Variants in VPS8 observed in about 807,000 individuals in gnomAD.
The protein encoded by VPS8 is vacuolar protein sorting-associated protein 8 homolog.
In VPS8, 129 loss-of-function variants were observed where a neutral mutation model predicts 216.4. That is an observed-to-expected ratio of 0.60 (90% CI 0.52 to 0.69). The LOEUF (loss-of-function observed/expected upper bound fraction) is 0.69, where lower values mean the gene tolerates loss of function less well. Among genes scored for constraint, VPS8 ranks in the 30% least tolerant of loss-of-function variants. The probability of loss-of-function intolerance (pLI) is 0.00; values close to 1 mark genes in which losing one functional copy is unlikely to be tolerated. For synonymous variants in VPS8, 571 were observed against 565.4 expected, an observed-to-expected ratio of 1.01 and a Z score of -0.14; for missense variants, 1,531 against 1,683.5, an observed-to-expected ratio of 0.91 and a Z score of 1.59.
At chr3:185,034,549 T>G (rs1758606509) in intron 46 of VPS8, among the ~76,000 whole-genome samples, 1 of 152,210 alleles carries the variant, frequency 6.6e-6, no homozygotes, top group Admixed American at 6.5e-5. Context: ...CTTTGTTGGA[T>G]GCATAGTTTG....
chr3:184,854,516 G>A (rs905275034), intron 13 of VPS8, among the ~76,000 whole-genome samples: 1 of 152,204 alleles, frequency 6.6e-6, no homozygotes, highest in Non-Finnish European at 1.5e-5. Context: ...CTAACTTCAT[G>A]CATGGCATTT....
At chr3:184,924,578 A>G (rs1423177723) in intron 29 of VPS8, among the ~76,000 whole-genome samples, 14 of 152,118 alleles carry the variant, frequency 9.2e-5, no homozygotes, top group Admixed American at 7.9e-4. Context: ...CGTGATTAAT[A>G]TTTCTTTGAA....
intron 42 of VPS8, among the ~76,000 whole-genome samples, chr3:184,984,720 A>G (rs1750801630): frequency 6.6e-6 from 1 of 152,242 alleles, no homozygotes; most frequent in African/African-American, 2.4e-5. Flanking sequence ...CTAATCATGT[A>G]TAAAGTAATA....
At chr3:184,846,418 A>ATTT in intron 8 of VPS8, among the ~76,000 whole-genome samples, 1 of 152,146 alleles carries the variant, frequency 6.6e-6, no homozygotes, top group Non-Finnish European at 1.5e-5. Context: ...CCCTCATTTC[A>ATTT]TCCATTGCCA....
At chr3:184,978,327 T>A (rs1175758276) in intron 40 of VPS8, among the ~76,000 whole-genome samples, 4 of 152,112 alleles carry the variant, frequency 2.6e-5, no homozygotes, top group African/African-American at 7.2e-5. Context: ...TCTTCTCTCC[T>A]TTTCCCTCCT....
At chr3:184,916,670 T>C (rs1300795209) in intron 28 of VPS8, among the ~76,000 whole-genome samples, 2 of 152,198 alleles carry the variant, frequency 1.3e-5, no homozygotes, top group African/African-American at 4.8e-5. Flanking sequence ...AAGTCAGATC[T>C]AGTTGGTTTA....
chr3:184,928,923 A>ATGCTGTATTTATAG (rs1177349909), intron 32 of VPS8, among the ~76,000 whole-genome samples: 1 of 152,188 alleles, frequency 6.6e-6, no homozygotes, highest in East Asian at 1.9e-4. Context: ...CTTACCTAGT[A>ATGCTGTATTTATAG]TGCTGTATTT....
intron 7 of VPS8, among the ~76,000 whole-genome samples, chr3:184,842,085 T>C (rs1490604510): frequency 1.4e-5 from 2 of 147,596 alleles, no homozygotes; most frequent in Admixed American, 7.0e-5. Context: ...GTCAATGTTA[T>C]AAGAATATGT....
Position 184,901,163 on chromosome 3 carries a change from G to C in VPS8, c.2146+191G>C, listed in dbSNP as rs540214346. On this transcript the variant is annotated intron_variant, in intron 25 of 47. Transcript: ENST00000625842. ...CTAAAAAGTTTCCTCCTTCCCCTTTGTACTTGATCCTTTCCCCACAGCCCT... is the reference window on the plus strand; with the variant it reads ...CTAAAAAGTTTCCTCCTTCCCCTTTCTACTTGATCCTTTCCCCACAGCCCT... The C allele has an allele frequency of 2.6e-5, 15 of 571,238 alleles. No homozygotes were observed. The South Asian group carries it at 3.7e-4, about 14-fold the overall frequency. The allele number at this position is 571,238 out of a possible 1,614,324, so 35.4% of individuals were successfully genotyped here. A position where few individuals can be genotyped will look rare whatever the true frequency, so the allele number is the denominator to read the frequency against.
Position 185,025,668 on chromosome 3 carries a change from C to T in VPS8, c.4056+1279C>T, listed in dbSNP as rs965340039. Among the ~76,000 whole-genome samples, 12 of 152,194 alleles carry T rather than the reference C, an allele frequency of 7.9e-5. 1 individual carries two copies. Among genetic ancestry groups the T allele is most frequent in the Admixed American group, 4.6e-4 (7 of 15,284 alleles). ...GATACTTAGAACCATCACACTGTAACGCAAAGAGCTGGGGGAGCCTGTCAT... is the reference window on the plus strand; with the variant it reads ...GATACTTAGAACCATCACACTGTAATGCAAAGAGCTGGGGGAGCCTGTCAT... On this transcript the variant is annotated intron_variant, in intron 46 of 47. Transcript: ENST00000625842.
chr3:185,007,466 T>G (rs1754427710), intron 45 of VPS8, among the ~76,000 whole-genome samples: 1 of 152,266 alleles, frequency 6.6e-6, no homozygotes, highest in East Asian at 1.9e-4. Context: ...TGCTATTAAT[T>G]GTTTAAAAAA....
chr3:184,937,412 T>G (rs1287707068), intron 35 of VPS8, among the ~76,000 whole-genome samples: 4 of 152,184 alleles, frequency 2.6e-5, no homozygotes, highest in Admixed American at 6.5e-5. Flanking sequence ...GACAAAAATA[T>G]GGAATTCATT....
chr3:184,976,940 T>C (rs1432374685), intron 40 of VPS8, among the ~76,000 whole-genome samples: 1 of 152,192 alleles, frequency 6.6e-6, no homozygotes, highest in African/African-American at 2.4e-5. Flanking sequence ...ATGTATCTTT[T>C]TGATAGAATG....
intron 42 of VPS8, among the ~76,000 whole-genome samples, chr3:184,993,382 C>T (rs1444493732): frequency 2.0e-5 from 3 of 150,930 alleles, no homozygotes; most frequent in African/African-American, 7.3e-5. Context: ...TTGTACACTT[C>T]AGTGTTTCCA....
At chr3:184,891,158 A>G (rs1243373383) in intron 22 of VPS8, among the ~76,000 whole-genome samples, 2 of 152,184 alleles carry the variant, frequency 1.3e-5, no homozygotes, top group African/African-American at 4.8e-5. Flanking sequence ...TATGGATGAT[A>G]CCGACGACTT....
chr3:184,997,399 A>G (rs974278084), intron 44 of VPS8, among the ~76,000 whole-genome samples: 2 of 152,228 alleles, frequency 1.3e-5, no homozygotes, highest in African/African-American at 4.8e-5. Flanking sequence ...GAGATGATTT[A>G]TATAAGGCAC....
At chr3:184,950,903 C>T (rs1467168313) in intron 36 of VPS8, among the ~76,000 whole-genome samples, 2 of 152,130 alleles carry the variant, frequency 1.3e-5, no homozygotes, top group African/African-American at 4.8e-5. Context: ...GATCTCATTC[C>T]TTTTTATGGC....
intron 18 of VPS8, 66 bp downstream of exon 18, chr3:184,868,125 G>T: frequency 6.5e-7 from 1 of 1,528,556 alleles, no homozygotes; most frequent in South Asian, 1.2e-5. Flanking sequence ...TTTCTGTTTT[G>T]ACTTTTCAGA....
intron 43 of VPS8, 51 bp downstream of exon 43, chr3:184,994,114 T>A (rs1752295105): frequency 1.5e-6 from 2 of 1,349,864 alleles, no homozygotes; most frequent in Admixed American, 3.3e-5. Context: ...AGAAAAATGC[T>A]ATTTTTTTTA....
Sources: gnomAD v4.1 joint callset for allele counts (sites outside exome capture counted in the v4.1 genomes callset) on GRCh38, gnomAD v4.1.1 for gene constraint, MANE v1.5 for transcripts, NCBI Gene and HGNC (gene_info 2026-07-23, HGNC 2026-07-21) for gene names.